The following NLRC5 variants were observed in gnomAD, a reference collection of about 807,000 sequenced individuals.
NLRC5 encodes protein NLRC5.
NLRC5 carries 114 observed loss-of-function variants against 206.9 expected under a neutral mutation model. That is an observed-to-expected ratio of 0.55 (90% CI 0.47 to 0.64). NLRC5 has a LOEUF of 0.64. Ranked by LOEUF, NLRC5 falls within the 30% of genes least tolerant of loss-of-function variation. The pLI is 0.00. For missense variants in NLRC5, 2,008 were observed against 2,305.5 expected (o/e 0.87, Z 2.64); for synonymous variants, 952 against 962.8 (o/e 0.99, Z 0.21).
chr16:57,051,513 C>G, intron 23 of NLRC5, 25 bp from the exon 24 acceptor site: 1 of 1,589,266 alleles, frequency 6.3e-7, no homozygotes, highest in South Asian at 1.1e-5. Context: ...TTTCCCCCAC[C>G]TCATCCACCT....
chr16:57,002,180 C>T (rs2142323593), intron 1 of NLRC5, among the ~76,000 whole-genome samples: 1 of 152,308 alleles, frequency 6.6e-6, no homozygotes, highest in South Asian at 2.1e-4. Context: ...TGGACTCTTG[C>T]TCTGTCACCC....
chr16:57,078,327 G>A (rs1196306693), intron 43 of NLRC5, among the ~76,000 whole-genome samples: 9 of 152,114 alleles, frequency 5.9e-5, no homozygotes, highest in African/African-American at 2.2e-4. Context: ...CCCTGTGAGC[G>A]GGTCCCTGAG....
chr16:57,032,158 C>T (rs2061954775), intron 11 of NLRC5, among the ~76,000 whole-genome samples: 1 of 151,990 alleles, frequency 6.6e-6, no homozygotes, highest in Admixed American at 6.6e-5. Context: ...GCCTGTAATC[C>T]TAGCACTTTG....
rs1319167915 is a variant in NLRC5 at position 57,039,981 on chromosome 16, G to T, written c.2870+132G>T. The stretch of plus-strand genomic sequence containing the variant: ...AAATTCACGGAAGAGCGGGAAGTGA[G>T]CAGGCTTGGCAAAGGATGCAGCCCC... On this transcript the variant is annotated intron_variant, in intron 16 of 48. Transcript: ENST00000688547. 3 of 808,936 alleles carry T rather than the reference G, an allele frequency of 3.7e-6. No individual in the cohort carries two copies. In the African/African-American group the frequency reaches 5.1e-5, roughly 14 times the overall value. 50.1% of individuals were successfully genotyped at this position (808,936 alleles called of 1,614,324 possible). A position where few individuals can be genotyped will look rare whatever the true frequency, so the allele number is the denominator to read the frequency against.
chr16:57,046,912 C>T (rs1380411629), intron 22 of NLRC5, among the ~76,000 whole-genome samples: 1 of 152,232 alleles, frequency 6.6e-6, no homozygotes, highest in Non-Finnish European at 1.5e-5. Context: ...AGCTCAGCCA[C>T]TCCCTGCCTG....
intron 39 of NLRC5, among the ~76,000 whole-genome samples, chr16:57,075,707 A>G (rs1323949860): frequency 6.6e-6 from 1 of 152,114 alleles, no homozygotes; most frequent in African/African-American, 2.4e-5. Flanking sequence ...CAAAACATGA[A>G]ATCTTGTGAC....
intron 10 of NLRC5, among the ~76,000 whole-genome samples, chr16:57,030,904 T>TTGCCCAGGATTAC (rs2061803279): frequency 6.6e-6 from 1 of 152,044 alleles, no homozygotes; most frequent in Non-Finnish European, 1.5e-5. Flanking sequence ...AGCTCAGGAG[T>TTGCCCAGGATTAC]TCGAGACCAA....
intron 24 of NLRC5, among the ~76,000 whole-genome samples, chr16:57,052,091 C>T (rs773404734): frequency 7.2e-5 from 11 of 151,948 alleles, no homozygotes; most frequent in African/African-American, 1.2e-4. Context: ...TAAAGGTCAC[C>T]GTCAAACTCG....
intron 11 of NLRC5, among the ~76,000 whole-genome samples, chr16:57,032,389 C>CA (rs1271216960): frequency 3.6e-4 from 54 of 152,056 alleles, no homozygotes; most frequent in African/African-American, 1.2e-3. Context: ...GACTCTGTCT[C>CA]AAAAAATGAC....
chr16:56,993,088 G>GATATATACATAT (rs2057111039), intron 1 of NLRC5, among the ~76,000 whole-genome samples: 1 of 86,148 alleles, frequency 1.2e-5, no homozygotes, highest in Non-Finnish European at 2.9e-5. Flanking sequence ...TACAAACATG[G>GATATATACATAT]ATATATACAT....
intron 1 of NLRC5, among the ~76,000 whole-genome samples, chr16:56,991,691 T>TC (rs1200897920): frequency 1.5e-3 from 218 of 149,582 alleles, no homozygotes; most frequent in African/African-American, 4.8e-3. Context: ...TTTTTTTTTT[T>TC]TTTTTTTTTT....
intron 37 of NLRC5, 36 bp from the exon 38 acceptor site, chr16:57,070,499 C>G: frequency 6.3e-7 from 1 of 1,588,756 alleles, no homozygotes. Flanking sequence ...GCTGGGCAGG[C>G]TGCGCTAACC....
At chr16:57,015,600 A>AGGT (rs2059972282) in intron 1 of NLRC5, among the ~76,000 whole-genome samples, 1 of 50,686 alleles carries the variant, frequency 2.0e-5, no homozygotes, top group African/African-American at 5.2e-5. Context: ...AAAAATAAAT[A>AGGT]AATAAATAAA....
At chr16:56,996,868 GT>G (rs1417450186) in intron 1 of NLRC5, among the ~76,000 whole-genome samples, 1 of 152,088 alleles carries the variant, frequency 6.6e-6, no homozygotes, top group Non-Finnish European at 1.5e-5. Flanking sequence ...AGATTTTATT[GT>G]TTTATTTATT....
intron 36 of NLRC5, 70 bp from the exon 37 acceptor site, chr16:57,069,766 C>A: frequency 7.8e-7 from 1 of 1,277,286 alleles, no homozygotes; most frequent in Non-Finnish European, 1.1e-6. Context: ...TGCCCTCTGC[C>A]ACCAGCATTC....
At chr16:57,002,210 C>T (rs1021113540) in intron 1 of NLRC5, among the ~76,000 whole-genome samples, 7 of 152,072 alleles carry the variant, frequency 4.6e-5, no homozygotes, top group Non-Finnish European at 8.8e-5. Context: ...TGCAGTGGCA[C>T]GATCTTGGCT....
Position 57,025,393 on chromosome 16 carries a change from C to T in NLRC5, c.450C>T (p.Leu150=). 2 of 1,545,148 alleles carry T rather than the reference C, an allele frequency of 1.3e-6. No homozygotes were observed. The highest frequency in any genetic ancestry group is 1.7e-6 in the Non-Finnish European group (2 of 1,146,924). Residue 150 remains leucine (L), a synonymous_variant, in exon 6 of 49, where the codon CTC becomes CTT. Transcript: ENST00000688547. ...QLELAKKYLQ[L]LRTSAQQRYR... is the part of the protein sequence containing the mutation. ...AGTTGGCCAAGAAGTACCTGCAGCTCCTGCGGACCTCTGCCCAGCAGCGCT... is the reference window on the plus strand; with the variant it reads ...AGTTGGCCAAGAAGTACCTGCAGCTTCTGCGGACCTCTGCCCAGCAGCGCT...
intron 19 of NLRC5, 61 bp from the exon 20 acceptor site, chr16:57,043,454 C>T (rs2063535427): frequency 7.6e-7 from 1 of 1,317,054 alleles, no homozygotes; most frequent in Non-Finnish European, 1.1e-6. Flanking sequence ...GTGCCCTGAC[C>T]ACAAAGAGGA....
At chr16:57,080,406 T>A (rs923453149) in intron 46 of NLRC5, among the ~76,000 whole-genome samples, 1 of 152,174 alleles carries the variant, frequency 6.6e-6, no homozygotes, top group Non-Finnish European at 1.5e-5. Flanking sequence ...TATATTTATT[T>A]TTGTAACTAC....
Sources: allele counts gnomAD v4.1 joint callset (sites outside exome capture counted in the v4.1 genomes callset), GRCh38; gene constraint gnomAD v4.1.1; transcripts MANE v1.5; gene names NCBI Gene and HGNC (gene_info 2026-07-23, HGNC 2026-07-21).